LYZL4: variants seen among roughly 807,000 people sequenced by gnomAD.
The protein encoded by LYZL4 is lysozyme like 4.
Under a neutral mutation model 17.6 loss-of-function variants are expected in LYZL4, and 13 were observed. The ratio of observed to expected loss-of-function variants is 0.74; its 90% CI spans 0.48 to 1.18. The LOEUF (loss-of-function observed/expected upper bound fraction) is 1.18, where lower values mean the gene tolerates loss of function less well. Among genes scored for constraint, LYZL4 ranks in the 50% most tolerant of loss-of-function variants. LYZL4 has a pLI of 0.00. For synonymous variants in LYZL4, 64 were observed against 67.7 expected, an observed-to-expected ratio of 0.95 and a Z score of 0.27; for missense variants, 174 against 188.2, an observed-to-expected ratio of 0.92 and a Z score of 0.44.
the LYZL4 span, among the ~76,000 whole-genome samples, chr3:42,377,590 G>C: frequency 6.6e-6 from 1 of 151,058 alleles, no homozygotes; most frequent in Non-Finnish European, 1.5e-5. Context: ...GAAATTACCA[G>C]AACATGTTTC....
At chr3:42,388,127 A>T in the LYZL4 span, among the ~76,000 whole-genome samples, 20 of 152,198 alleles carry the variant, frequency 1.3e-4, no homozygotes, top group Non-Finnish European at 2.2e-4. Context: ...CATTTGTGAC[A>T]GTGGGTGGCC....
the LYZL4 span, among the ~76,000 whole-genome samples, chr3:42,389,260 G>A: frequency 6.6e-6 from 1 of 152,144 alleles, no homozygotes; most frequent in East Asian, 1.9e-4. Context: ...AAACTGTTCT[G>A]GACAGAAAAT....
the LYZL4 span, among the ~76,000 whole-genome samples, chr3:42,376,150 T>C: frequency 6.6e-6 from 1 of 152,260 alleles, no homozygotes; most frequent in African/African-American, 2.4e-5. Flanking sequence ...AGTTAAGCCA[T>C]AAAATCAGCT....
At chr3:42,399,663 C>G (rs566699709) in intron 4 of LYZL4, among the ~76,000 whole-genome samples, 18 of 152,120 alleles carry the variant, frequency 1.2e-4, no homozygotes, top group Non-Finnish European at 2.4e-4. Flanking sequence ...AATATTAACA[C>G]TGGTGCCCTT....
the LYZL4 span, among the ~76,000 whole-genome samples, chr3:42,381,918 C>A: frequency 7.9e-5 from 12 of 152,174 alleles, no homozygotes; most frequent in African/African-American, 2.4e-4. Flanking sequence ...GCATCTTATT[C>A]TAAAGCACAT....
chr3:42,380,805 A>G, the LYZL4 span, among the ~76,000 whole-genome samples: 2 of 152,186 alleles, frequency 1.3e-5, no homozygotes, highest in Non-Finnish European at 2.9e-5. Context: ...CCATGGGGGA[A>G]GTGTGCTTCC....
Position 42,407,001 on chromosome 3 carries a change from A to G in LYZL4, c.140-3T>C, listed in dbSNP as rs778206195. The G allele has an allele frequency of 1.1e-5, 18 of 1,614,184 alleles. No individual in the cohort carries two copies. In the South Asian group the frequency reaches 2.0e-4, roughly 18 times the overall value. On this transcript the variant is annotated splice_polypyrimidine_tract_variant and splice_region_variant and intron_variant, in intron 2 of 4. Transcript: ENST00000287748. Reference sequence around the variant, plus strand: ...CTCGAAGTAGGCCAGGCACACCCCTAAGATGGAACAGAAGGTGTGTGACTC... The same window carrying G: ...CTCGAAGTAGGCCAGGCACACCCCTGAGATGGAACAGAAGGTGTGTGACTC...
chr3:42,367,155 G>A, the LYZL4 span, among the ~76,000 whole-genome samples: 1 of 152,084 alleles, frequency 6.6e-6, no homozygotes, highest in African/African-American at 2.4e-5. Context: ...CGGTTGCCTC[G>A]ATGACCCAAT....
Position 42,406,913 on chromosome 3 carries a change from G to C in LYZL4, c.225C>G (p.Leu75=). The part of the protein sequence containing the change: ...NTREGYTGFG[L]FQMRGSDWCG... ...ACCAGTCACTGCCACGCATCTGAAAGAGGCCAAAGCCAGTGTAGCCCTCAC... is the reference window on the plus strand; with the variant it reads ...ACCAGTCACTGCCACGCATCTGAAACAGGCCAAAGCCAGTGTAGCCCTCAC... The change falls in exon 3 of 5, where the codon CTC becomes CTG. Residue 75 remains leucine (L), a synonymous_variant. Coordinates refer to ENST00000287748, the MANE Select transcript of LYZL4 (RefSeq NM_144634.4). 6.2e-7 allele frequency: 1 copy of C among 1,614,236 alleles called. No individual in the cohort carries two copies. Among genetic ancestry groups the C allele is most frequent in the South Asian group, 1.1e-5 (1 of 91,092 alleles).
chr3:42,403,911 C>A, intron 4 of LYZL4, 135 bp downstream of exon 4: 1 of 561,510 alleles, frequency 1.8e-6, no homozygotes. Context: ...TGGTTTTCTG[C>A]TACTTACCTT....
downstream of LYZL4, among the ~76,000 whole-genome samples, chr3:42,396,542 T>C (rs1295651530): frequency 1.3e-5 from 2 of 152,246 alleles, no homozygotes; most frequent in East Asian, 3.8e-4. Context: ...CAAAACTCTC[T>C]AACTACAACA....
chr3:42,378,131 T>G, the LYZL4 span, among the ~76,000 whole-genome samples: 1 of 152,138 alleles, frequency 6.6e-6, no homozygotes, highest in Non-Finnish European at 1.5e-5. Context: ...CAACAGCCAC[T>G]TTGGTGGTGG....
At chr3:42,406,270 A>G (rs1362872573) in intron 3 of LYZL4, among the ~76,000 whole-genome samples, 1 of 151,972 alleles carries the variant, frequency 6.6e-6, no homozygotes, top group Non-Finnish European at 1.5e-5. Flanking sequence ...TGGCTAACAC[A>G]GTGAAACTCC....
chr3:42,408,370 C>T (rs1432134009), intron 1 of LYZL4, among the ~76,000 whole-genome samples: 1 of 152,208 alleles, frequency 6.6e-6, no homozygotes, highest in Non-Finnish European at 1.5e-5. Flanking sequence ...CCTCCCCACT[C>T]CATTCTCCAG....
intron 1 of LYZL4, among the ~76,000 whole-genome samples, chr3:42,407,882 G>A (rs895397709): frequency 6.6e-5 from 10 of 152,050 alleles, no homozygotes; most frequent in East Asian, 1.9e-4. Flanking sequence ...TGCCGTCCAC[G>A]CAATGAGACA....
At chr3:42,368,844 G>A in the LYZL4 span, among the ~76,000 whole-genome samples, 1 of 152,118 alleles carries the variant, frequency 6.6e-6, no homozygotes, top group African/African-American at 2.4e-5. Flanking sequence ...TTAAAAATGT[G>A]TTCTCGTTAT....
At chr3:42,400,814 T>C (rs905020322) in intron 4 of LYZL4, among the ~76,000 whole-genome samples, 1 of 152,146 alleles carries the variant, frequency 6.6e-6, no homozygotes, top group African/African-American at 2.4e-5. Context: ...AGGAAGTTTG[T>C]GGTGGTGCAG....
chr3:42,380,783 C>T, the LYZL4 span, among the ~76,000 whole-genome samples: 1 of 152,192 alleles, frequency 6.6e-6, no homozygotes, highest in Non-Finnish European at 1.5e-5. Flanking sequence ...TATTCACTTT[C>T]CCACCACACT....
At chr3:42,374,597 A>T in the LYZL4 span, among the ~76,000 whole-genome samples, 2 of 152,078 alleles carry the variant, frequency 1.3e-5, no homozygotes, top group African/African-American at 4.8e-5. Flanking sequence ...CAAAATCAGG[A>T]TTTCTAGCTG....
Sources: allele counts gnomAD v4.1 joint callset (sites outside exome capture counted in the v4.1 genomes callset), GRCh38; gene constraint gnomAD v4.1.1; transcripts MANE v1.5; gene names NCBI Gene and HGNC (gene_info 2026-07-23, HGNC 2026-07-21).